CBFA2T2: variants seen among roughly 807,000 people sequenced by gnomAD.
CBFA2T2 encodes protein CBFA2T2.
Under a neutral mutation model 62.2 loss-of-function variants are expected in CBFA2T2, and 11 were observed. That is an observed-to-expected ratio of 0.18 (90% CI 0.11 to 0.29). The LOEUF (loss-of-function observed/expected upper bound fraction) is 0.29, where lower values mean the gene tolerates loss of function less well. CBFA2T2 is among the 10% of genes least tolerant of loss of function. The pLI is 1.00. For missense variants in CBFA2T2, 592 were observed against 774.1 expected, an observed-to-expected ratio of 0.76 and a Z score of 2.79; for synonymous variants, 295 against 287.5, an observed-to-expected ratio of 1.03 and a Z score of -0.27.
At chr20:33,577,837 G>GT (rs1475413894) in intron 1 of CBFA2T2, among the ~76,000 whole-genome samples, 1 of 152,138 alleles carries the variant, frequency 6.6e-6, no homozygotes, top group African/African-American at 2.4e-5. Context: ...TACTGTCTTA[G>GT]TGTCATTTAA....
chr20:33,540,166 T>C (rs1352567886), intron 1 of CBFA2T2, among the ~76,000 whole-genome samples: 1 of 152,226 alleles, frequency 6.6e-6, no homozygotes, highest in African/African-American at 2.4e-5. Context: ...TATAAACCAT[T>C]TATTAAATGT....
intron 1 of CBFA2T2, among the ~76,000 whole-genome samples, chr20:33,505,466 C>A (rs191349684): frequency 1.3e-5 from 2 of 151,914 alleles, no homozygotes; most frequent in East Asian, 3.9e-4. Context: ...AACAAGTTTG[C>A]AGAAAAAAAA....
At chr20:33,496,311 T>A (rs754475728) in intron 1 of CBFA2T2, among the ~76,000 whole-genome samples, 1 of 152,224 alleles carries the variant, frequency 6.6e-6, no homozygotes, top group Non-Finnish European at 1.5e-5. Flanking sequence ...TGGCTGGAGT[T>A]GTTCCTGGCA....
intron 1 of CBFA2T2, among the ~76,000 whole-genome samples, chr20:33,512,916 C>A (rs1249579862): frequency 6.6e-6 from 1 of 151,998 alleles, no homozygotes; most frequent in African/African-American, 2.4e-5. Flanking sequence ...CCAAGCCCAG[C>A]TAATTTTTTG....
At chr20:33,501,878 G>C (rs1387175992) in intron 1 of CBFA2T2, among the ~76,000 whole-genome samples, 3 of 151,936 alleles carry the variant, frequency 2.0e-5, no homozygotes, top group African/African-American at 7.2e-5. Flanking sequence ...GACCTCAGGT[G>C]ATTCGCCTGA....
intron 1 of CBFA2T2, among the ~76,000 whole-genome samples, chr20:33,537,277 G>T (rs1421796411): frequency 6.6e-6 from 1 of 152,270 alleles, no homozygotes; most frequent in African/African-American, 2.4e-5. Context: ...TCGCGGTTAG[G>T]AGCTGGAGAC....
In CBFA2T2 at chr20:33,595,621, G is replaced by A. The variant is rs190721377; in HGVS notation, c.35-11335G>A. Among the ~76,000 whole-genome samples, 143 of 151,672 alleles carry A rather than the reference G, an allele frequency of 9.4e-4. 1 individual carries two copies. Among genetic ancestry groups the A allele is most frequent in the Admixed American group, 4.3e-3 (66 of 15,224 alleles). Reference sequence around the variant, plus strand: ...GGCTGAAGTGCAGTGGCACAATCTCGGCTCACTACAACCTCTGCCTCCCAG... The same window carrying A: ...GGCTGAAGTGCAGTGGCACAATCTCAGCTCACTACAACCTCTGCCTCCCAG... On this transcript the variant is annotated intron_variant, in intron 1 of 10. Transcript: ENST00000342704.
At chr20:33,538,087 G>A (rs191559791) in intron 1 of CBFA2T2, among the ~76,000 whole-genome samples, 111 of 151,316 alleles carry the variant, frequency 7.3e-4, no homozygotes, top group Admixed American at 1.8e-3. Flanking sequence ...CAGTTTAGGA[G>A]AGATACAAAT....
At chr20:33,597,703 G>A (rs1485097033) in intron 1 of CBFA2T2, among the ~76,000 whole-genome samples, 1 of 152,168 alleles carries the variant, frequency 6.6e-6, no homozygotes, top group Non-Finnish European at 1.5e-5. Context: ...GAGTGCAATG[G>A]CACGATCTCA....
At chr20:33,554,663 G>GTGGAGTGATC (rs1302999193) in intron 1 of CBFA2T2, among the ~76,000 whole-genome samples, 7 of 121,854 alleles carry the variant, frequency 5.7e-5, no homozygotes, top group African/African-American at 2.3e-4. Flanking sequence ...TTGGAGTGCA[G>GTGGAGTGATC]TGGAGTGATC....
intron 8 of CBFA2T2, among the ~76,000 whole-genome samples, chr20:33,631,613 C>T (rs1011183528): frequency 2.0e-5 from 3 of 150,774 alleles, no homozygotes; most frequent in African/African-American, 7.5e-5. Context: ...TATGCATGAC[C>T]ACTACTCACC....
chr20:33,561,092 G>A (rs1442816547), intron 1 of CBFA2T2, among the ~76,000 whole-genome samples: 1 of 152,168 alleles, frequency 6.6e-6, no homozygotes, highest in African/African-American at 2.4e-5. Flanking sequence ...TGGCCAGGAT[G>A]GTCTTGATCT....
chr20:33,627,835 A>G (rs1406039178), intron 6 of CBFA2T2, among the ~76,000 whole-genome samples: 2 of 152,186 alleles, frequency 1.3e-5, no homozygotes, highest in African/African-American at 4.8e-5. Flanking sequence ...ATAGTAGACA[A>G]TTCTTACTGG....
intron 1 of CBFA2T2, among the ~76,000 whole-genome samples, chr20:33,550,754 T>C (rs1265658912): frequency 2.0e-5 from 3 of 152,104 alleles, no homozygotes; most frequent in African/African-American, 7.2e-5. Flanking sequence ...CCCTAGTAGC[T>C]GGGATTACAG....
intron 1 of CBFA2T2, among the ~76,000 whole-genome samples, chr20:33,515,481 T>C (rs182539333): frequency 2.0e-5 from 3 of 152,172 alleles, no homozygotes; most frequent in East Asian, 3.9e-4. Context: ...CTACCTATTA[T>C]TTATTCTGTA....
chr20:33,516,825 C>T (rs1253945968), intron 1 of CBFA2T2, among the ~76,000 whole-genome samples: 2 of 152,138 alleles, frequency 1.3e-5, no homozygotes, highest in Non-Finnish European at 2.9e-5. Flanking sequence ...TTATAATTTA[C>T]AGTCAGATGG....
At chr20:33,611,387 C>T (rs2015523377) in intron 3 of CBFA2T2, 52 bp downstream of exon 3, 3 of 1,596,700 alleles carry the variant, frequency 1.9e-6, no homozygotes, top group Admixed American at 3.4e-5. Flanking sequence ...TGGCTCAGGT[C>T]CAAAGCGAGC....
intron 1 of CBFA2T2, among the ~76,000 whole-genome samples, chr20:33,585,669 T>C (rs141818634): frequency 3.9e-4 from 59 of 152,354 alleles, no homozygotes; most frequent in African/African-American, 1.4e-3. Context: ...TTAACCTCAC[T>C]AATTGAATGT....
chr20:33,606,468 A>T lies in CBFA2T2; in HGVS notation c.35-488A>T, dbSNP rs567134064. Among the ~76,000 whole-genome samples the T allele has an allele frequency of 1.5e-4, 23 of 152,316 alleles. No individual in the cohort carries two copies. In the East Asian group the frequency reaches 4.1e-3, roughly 27 times the overall value. On this transcript the variant is annotated intron_variant, in intron 1 of 10. Transcript: ENST00000342704. ...AAAGCCAGAGGCCCAAAATTGAGGT[A>T]TCAGCAAGGTTGATTCCTTCCCGGG...
Sources: gnomAD v4.1 joint callset for allele counts (sites outside exome capture counted in the v4.1 genomes callset) on GRCh38, gnomAD v4.1.1 for gene constraint, MANE v1.5 for transcripts, NCBI Gene and HGNC (gene_info 2026-07-23, HGNC 2026-07-21) for gene names.